The following CAMK1D variants were observed in gnomAD, a reference collection of about 807,000 sequenced individuals.
CAMK1D encodes the protein calcium/calmodulin dependent protein kinase ID.
A neutral mutation model predicts 47.7 loss-of-function variants in CAMK1D; 9 were observed. That is an observed-to-expected ratio of 0.19 (90% CI 0.11 to 0.33). CAMK1D has a LOEUF of 0.33. CAMK1D is among the 10% of genes least tolerant of loss of function. CAMK1D has a pLI of 1.00. For synonymous variants in CAMK1D, 184 were observed against 184.9 expected (o/e 0.99, Z 0.04); for missense variants, 291 against 488.7 (o/e 0.60, Z 3.81).
At chr10:12,515,735 C>T (rs951792920) in intron 1 of CAMK1D, among the ~76,000 whole-genome samples, 2 of 151,380 alleles carry the variant, frequency 1.3e-5, no homozygotes, top group Non-Finnish European at 2.9e-5. Context: ...TCAGCCTCTC[C>T]AGTAGCTGGG....
At chr10:12,657,407 G>A (rs1840148269) in intron 2 of CAMK1D, among the ~76,000 whole-genome samples, 3 of 126,802 alleles carry the variant, frequency 2.4e-5, no homozygotes, top group Admixed American at 7.8e-5. Flanking sequence ...CCTAGTGATG[G>A]AGAGAGACTC....
intron 3 of CAMK1D, among the ~76,000 whole-genome samples, chr10:12,751,051 AATAAGATAAGATAAGATAAGATAAG>A (rs141001552): frequency 0.14 from 18,734 of 135,860 alleles, 1,560 homozygotes; most frequent in Middle Eastern, 0.21. Flanking sequence ...CGTCTCCCCC[AATAAGATAAGATAAGATAAGATAAG>A]ATAAGATAAG....
intron 3 of CAMK1D, among the ~76,000 whole-genome samples, chr10:12,712,669 C>T (rs77269289): frequency 0.026 from 3,908 of 152,224 alleles, 145 homozygotes; most frequent in African/African-American, 0.079. Flanking sequence ...CTAACCTGAT[C>T]GTCTCCCAAA....
At chr10:12,376,162 CA>C (rs59804213) in intron 1 of CAMK1D, among the ~76,000 whole-genome samples, 19,311 of 59,958 alleles carry the variant, frequency 0.32, 384 homozygotes, top group Middle Eastern at 0.48. Flanking sequence ...GACTCTGTCC[CA>C]AAAAAAAAAA....
intron 2 of CAMK1D, among the ~76,000 whole-genome samples, chr10:12,616,218 TA>T (rs1280713256): frequency 6.6e-6 from 1 of 152,128 alleles, no homozygotes; most frequent in Non-Finnish European, 1.5e-5. Context: ...TGGCTAACGG[TA>T]AGGAAATAGG....
chr10:12,687,274 GAA>G (rs1003050870), intron 3 of CAMK1D, among the ~76,000 whole-genome samples: 1 of 140,078 alleles, frequency 7.1e-6, no homozygotes. Context: ...ACTATGCTCA[GAA>G]AAAAAAAAAA....
At chr10:12,714,958 C>T (rs770942761) in intron 3 of CAMK1D, among the ~76,000 whole-genome samples, 28 of 151,992 alleles carry the variant, frequency 1.8e-4, no homozygotes, top group Non-Finnish European at 2.9e-4. Flanking sequence ...GTGTTGGGAA[C>T]ACCTCAAGTC....
chr10:12,826,658 T>G (rs1336227960), intron 10 of CAMK1D, among the ~76,000 whole-genome samples: 3 of 152,176 alleles, frequency 2.0e-5, no homozygotes, highest in African/African-American at 7.2e-5. Flanking sequence ...CTGGGCATCA[T>G]GCTCCTTCCC....
At chr10:12,364,486 G>A (rs1564294593) in intron 1 of CAMK1D, among the ~76,000 whole-genome samples, 1 of 151,816 alleles carries the variant, frequency 6.6e-6, no homozygotes, top group Admixed American at 6.6e-5. Flanking sequence ...CAGGTGATCC[G>A]CCCACCTAGG....
At chr10:12,762,188 T>G (rs1836542812) in intron 4 of CAMK1D, among the ~76,000 whole-genome samples, 1 of 152,158 alleles carries the variant, frequency 6.6e-6, no homozygotes, top group Non-Finnish European at 1.5e-5. Context: ...CTAGGATGTT[T>G]ACAGGTCCAG....
chr10:12,682,733 A>C (rs561597757), intron 3 of CAMK1D, among the ~76,000 whole-genome samples: 1 of 152,342 alleles, frequency 6.6e-6, no homozygotes, highest in South Asian at 2.1e-4. Flanking sequence ...ACATGTTAAA[A>C]AATGAATTTC....
chr10:12,801,350 TATCTTATC>T (rs1345322052), intron 6 of CAMK1D, among the ~76,000 whole-genome samples: 1,156 of 105,456 alleles, frequency 0.011, 3 homozygotes, highest in Non-Finnish European at 0.013. Context: ...TCTATCTATC[TATCTTATC>T]TATCTATCTA....
At chr10:12,771,062 T>G (rs1226832067) in intron 5 of CAMK1D, among the ~76,000 whole-genome samples, 1 of 152,008 alleles carries the variant, frequency 6.6e-6, no homozygotes, top group African/African-American at 2.4e-5. Context: ...CCCGAGTACC[T>G]GGGATTACAG....
chr10:12,638,330 C>G (rs377112291), intron 2 of CAMK1D, among the ~76,000 whole-genome samples: 2 of 152,154 alleles, frequency 1.3e-5, no homozygotes, highest in South Asian at 2.1e-4. Context: ...GCTAGCTGTT[C>G]TTTACTGTAT....
At chr10:12,697,068 G>A (rs1330650030) in intron 3 of CAMK1D, among the ~76,000 whole-genome samples, 2 of 152,082 alleles carry the variant, frequency 1.3e-5, no homozygotes, top group Non-Finnish European at 2.9e-5. Context: ...AAAATAGCCC[G>A]GCTTAGGGGC....
At chr10:12,688,509 T>C (rs1564493259) in intron 3 of CAMK1D, among the ~76,000 whole-genome samples, 1 of 151,212 alleles carries the variant, frequency 6.6e-6, no homozygotes, top group Non-Finnish European at 1.5e-5. Flanking sequence ...ATTTTACCAG[T>C]TTTTTTTTCT....
At chr10:12,454,626 C>A (rs950700703) in intron 1 of CAMK1D, among the ~76,000 whole-genome samples, 2 of 152,092 alleles carry the variant, frequency 1.3e-5, no homozygotes, top group African/African-American at 4.8e-5. Context: ...CCATGCCTGG[C>A]AAATTTTAAA....
intron 2 of CAMK1D, among the ~76,000 whole-genome samples, chr10:12,619,346 A>G (rs955940540): frequency 1.4e-4 from 21 of 151,812 alleles, no homozygotes; most frequent in African/African-American, 5.1e-4. Context: ...GCTGGAGTGC[A>G]GTGGTACAAT....
intron 2 of CAMK1D, among the ~76,000 whole-genome samples, chr10:12,582,175 T>C (rs1354279891): frequency 1.3e-5 from 2 of 152,218 alleles, no homozygotes; most frequent in African/African-American, 4.8e-5. Flanking sequence ...TTTTGTTAGC[T>C]TTGTCGAAGA....
Sources: gnomAD v4.1 joint callset for allele counts (sites outside exome capture counted in the v4.1 genomes callset) on GRCh38, gnomAD v4.1.1 for gene constraint, MANE v1.5 for transcripts, NCBI Gene and HGNC (gene_info 2026-07-23, HGNC 2026-07-21) for gene names.